The following FXN variants were observed in gnomAD, a reference collection of about 807,000 sequenced individuals.
FXN encodes frataxin, mitochondrial.
In FXN, 14 loss-of-function variants were observed where a neutral mutation model predicts 22.4. That is an observed-to-expected ratio of 0.62 (90% CI 0.41 to 0.98). The LOEUF (loss-of-function observed/expected upper bound fraction) is 0.98. FXN is among the 50% of genes least tolerant of loss of function. The pLI is 0.00. For missense variants in FXN, 267 were observed against 268.4 expected, an observed-to-expected ratio of 0.99 and a Z score of 0.04; for synonymous variants, 120 against 114.1, an observed-to-expected ratio of 1.05 and a Z score of -0.33.
chr9:69,073,377 C>T lies in FXN; in HGVS notation c.*615C>T, dbSNP rs915051894. 9.1e-6 allele frequency: 9 copies of T among 987,066 alleles called. No homozygotes were observed. The African/African-American group carries it at 1.6e-4, about 17-fold the overall frequency. The allele number at this position is 987,066 out of a possible 1,614,324, so 61.1% of individuals were successfully genotyped here. On this transcript the variant is annotated 3_prime_UTR_variant, in exon 5 of 5. Transcript: ENST00000484259. ...TGTCCAGGGAGACCTAGTGCTGTTT[C>T]TCCCACATATTCACATACGTGTCTG...
At chr9:69,058,556 C>T (rs1038429535) in intron 3 of FXN, among the ~76,000 whole-genome samples, 6 of 151,588 alleles carry the variant, frequency 4.0e-5, no homozygotes, top group Non-Finnish European at 1.5e-5. Flanking sequence ...AATCTGATGA[C>T]TGCTCTGGTC....
Position 69,076,205 on chromosome 9 carries a change from C to T in FXN, c.*3443C>T, listed in dbSNP as rs1463048174. 1 of 958,670 alleles carries T rather than the reference C, an allele frequency of 1.0e-6. No individual in the cohort carries two copies. The highest frequency in any genetic ancestry group is 2.0e-5 in the African/African-American group (1 of 51,204). 59.4% of individuals were successfully genotyped at this position (958,670 alleles called of 1,614,324 possible). A position where few individuals can be genotyped will look rare whatever the true frequency, so the allele number is the denominator to read the frequency against. On this transcript the variant is annotated 3_prime_UTR_variant, in exon 5 of 5. Transcript: ENST00000484259. ...CCTCTTACTTGTTTGTAGACACTGACAGTGGCCTCATGTTTTTTTTTTTTT... is the reference window on the plus strand; with the variant it reads ...CCTCTTACTTGTTTGTAGACACTGATAGTGGCCTCATGTTTTTTTTTTTTT...
chr9:69,045,745 G>T (rs746142245), intron 1 of FXN, among the ~76,000 whole-genome samples: 38 of 152,108 alleles, frequency 2.5e-4, no homozygotes, highest in Non-Finnish European at 5.1e-4. Flanking sequence ...CTTGGGTGAG[G>T]GGTACAAAGC....
chr9:69,078,453 C>CA lies in FXN; in HGVS notation c.*5691_*5692insA, dbSNP rs1832409878. 1 of 985,312 alleles carries CA rather than the reference C, an allele frequency of 1.0e-6. No individual in the cohort carries two copies. The highest frequency in any genetic ancestry group is 6.2e-5 in the Admixed American group (1 of 16,258). 61.0% of individuals were successfully genotyped at this position (985,312 alleles called of 1,614,324 possible). On this transcript the variant is annotated 3_prime_UTR_variant, in exon 5 of 5. Coordinates refer to ENST00000484259, the MANE Select transcript of FXN (RefSeq NM_000144.5). Reference sequence around the variant, plus strand: ...CTTATATCCACCTTCCTCCTTTTCTCTCAGCCCATCATCTAGCTACACAGT... The same window carrying CA: ...CTTATATCCACCTTCCTCCTTTTCTCATCAGCCCATCATCTAGCTACACAGT...
intron 4 of FXN, among the ~76,000 whole-genome samples, chr9:69,070,233 A>C: frequency 6.6e-6 from 1 of 152,002 alleles, no homozygotes; most frequent in African/African-American, 2.4e-5. Context: ...CATCTCAAAA[A>C]AAAAAAAAAG....
At chr9:69,052,691 C>T (rs565499074) in intron 2 of FXN, among the ~76,000 whole-genome samples, 6 of 151,898 alleles carry the variant, frequency 4.0e-5, no homozygotes, top group South Asian at 4.2e-4. Context: ...TACAGGCACC[C>T]GTCACCACGC....
In FXN at chr9:69,077,300, T is replaced by C. The variant is rs986268971; in HGVS notation, c.*4538T>C. 5 of 985,260 alleles carry C rather than the reference T, an allele frequency of 5.1e-6. No homozygotes were observed. In the South Asian group the frequency reaches 2.3e-4, roughly 46 times the overall value. 61.0% of individuals were successfully genotyped at this position (985,260 alleles called of 1,614,324 possible). ...TACCTGATCAGTGGCCCCTTTGGAA[T>C]GTGTAAAACTCAGCTCACTTATATC... On this transcript the variant is annotated 3_prime_UTR_variant, in exon 5 of 5. Transcript: ENST00000484259.
At chr9:69,053,729 C>G (rs1022742469) in intron 3 of FXN, among the ~76,000 whole-genome samples, 4 of 152,064 alleles carry the variant, frequency 2.6e-5, no homozygotes, top group Admixed American at 1.3e-4. Context: ...ATGGAGGGAA[C>G]AACAAACTAG....
Position 69,076,440 on chromosome 9 carries a change from C to T in FXN, c.*3678C>T, listed in dbSNP as rs888966345. ...TCAAAATACTCAGTTTACTTAACTT[C>T]GTATTAGATTCTGATTCCCTGGAAC... On this transcript the variant is annotated 3_prime_UTR_variant, in exon 5 of 5. Coordinates refer to ENST00000484259, the MANE Select transcript of FXN (RefSeq NM_000144.5). 6 of 985,206 alleles carry T rather than the reference C, an allele frequency of 6.1e-6. No individual in the cohort carries two copies. Among genetic ancestry groups the T allele is most frequent in the South Asian group, 9.4e-5 (2 of 21,288 alleles). 61.0% of individuals were successfully genotyped at this position (985,206 alleles called of 1,614,324 possible). A position where few individuals can be genotyped will look rare whatever the true frequency, so the allele number is the denominator to read the frequency against.
Position 69,075,334 on chromosome 9 carries a change from C to A in FXN, c.*2572C>A. 1.7e-6 allele frequency: 1 copy of A among 572,564 alleles called. No homozygotes were observed. The highest frequency in any genetic ancestry group is 2.2e-6 in the Non-Finnish European group (1 of 453,556). The allele number at this position is 572,564 out of a possible 1,614,324, so 35.5% of individuals were successfully genotyped here. A position where few individuals can be genotyped will look rare whatever the true frequency, so the allele number is the denominator to read the frequency against. ...AATTGGCTGGGCGTGGTGGTTCGTGCCTATAATTTCAGCTACTCAGGAGGC... is the reference window on the plus strand; with the variant it reads ...AATTGGCTGGGCGTGGTGGTTCGTGACTATAATTTCAGCTACTCAGGAGGC... On this transcript the variant is annotated 3_prime_UTR_variant, in exon 5 of 5. Coordinates refer to ENST00000484259, the MANE Select transcript of FXN (RefSeq NM_000144.5).
chr9:69,074,564 A>G lies in FXN; in HGVS notation c.*1802A>G, dbSNP rs1052829625. ...GTTTATTAATGAGAAGTTTGTATTA[A>G]TATGTAGCAAAGGCTTTTCCAATGG... On this transcript the variant is annotated 3_prime_UTR_variant, in exon 5 of 5. Transcript: ENST00000484259. The G allele has an allele frequency of 2.8e-5, 28 of 985,136 alleles. No individual in the cohort carries two copies. In the African/African-American group the frequency reaches 4.5e-4, roughly 16 times the overall value. 61.0% of individuals were successfully genotyped at this position (985,136 alleles called of 1,614,324 possible).
At chr9:69,054,732 C>A (rs1165897906) in intron 3 of FXN, among the ~76,000 whole-genome samples, 1 of 152,184 alleles carries the variant, frequency 6.6e-6, no homozygotes, top group Non-Finnish European at 1.5e-5. Flanking sequence ...GTTTTGAACT[C>A]CTGAACTCAA....
At chr9:69,053,569 C>T (rs921388313) in intron 3 of FXN, among the ~76,000 whole-genome samples, 2 of 152,006 alleles carry the variant, frequency 1.3e-5, no homozygotes, top group African/African-American at 2.4e-5. Flanking sequence ...TAAGACAAGA[C>T]TAGGCTTCAA....
At chr9:69,057,989 T>C (rs1422602386) in intron 3 of FXN, among the ~76,000 whole-genome samples, 1 of 152,234 alleles carries the variant, frequency 6.6e-6, no homozygotes, top group Non-Finnish European at 1.5e-5. Flanking sequence ...TTAATAAATA[T>C]TGATTCATAT....
chr9:69,038,218 G>T (rs1358377222), intron 1 of FXN, among the ~76,000 whole-genome samples: 1 of 152,124 alleles, frequency 6.6e-6, no homozygotes, highest in Admixed American at 6.5e-5. Flanking sequence ...GAGTTGGGTG[G>T]GTGGCAGTGG....
chr9:69,058,269 A>G (rs1434818603), intron 3 of FXN, among the ~76,000 whole-genome samples: 1 of 151,830 alleles, frequency 6.6e-6, no homozygotes, highest in East Asian at 1.9e-4. Flanking sequence ...TACAGAAGAC[A>G]CTCTACCAGA....
chr9:69,074,930 C>G lies in FXN; in HGVS notation c.*2168C>G. On this transcript the variant is annotated 3_prime_UTR_variant, in exon 5 of 5. Transcript: ENST00000484259. The stretch of plus-strand genomic sequence containing the variant: ...TGCATCTTGCTTCTACTGAAAGTTT[C>G]AGTGCACCCCACTTACTTAGAACTC... 1 of 985,390 alleles carries G rather than the reference C, an allele frequency of 1.0e-6. No individual in the cohort carries two copies. The highest frequency in any genetic ancestry group is 1.2e-6 in the Non-Finnish European group (1 of 829,912). 61.0% of individuals were successfully genotyped at this position (985,390 alleles called of 1,614,324 possible).
chr9:69,076,875 G>T lies in FXN; in HGVS notation c.*4113G>T. 11 of 985,452 alleles carry T rather than the reference G, an allele frequency of 1.1e-5. No individual in the cohort carries two copies. The highest frequency in any genetic ancestry group is 1.3e-5 in the Non-Finnish European group (11 of 829,950). 61.0% of individuals were successfully genotyped at this position (985,452 alleles called of 1,614,324 possible). A position where few individuals can be genotyped will look rare whatever the true frequency, so the allele number is the denominator to read the frequency against. On this transcript the variant is annotated 3_prime_UTR_variant, in exon 5 of 5. Transcript: ENST00000484259. Reference sequence around the variant, plus strand: ...TTGAAATTTCATGTAAATTTATGCTGTTCAAAACGACGAGTTCATGACTTT... The same window carrying T: ...TTGAAATTTCATGTAAATTTATGCTTTTCAAAACGACGAGTTCATGACTTT...
At chr9:69,071,139 G>A (rs1832267141) in intron 4 of FXN, 1 of 517,312 alleles carries the variant, frequency 1.9e-6, no homozygotes, top group Non-Finnish European at 3.9e-6. Flanking sequence ...GCAGTGTGGA[G>A]GGGTCTAGAG....
Sources: allele counts gnomAD v4.1 joint callset (sites outside exome capture counted in the v4.1 genomes callset), GRCh38; gene constraint gnomAD v4.1.1; transcripts MANE v1.5; gene names NCBI Gene and HGNC (gene_info 2026-07-23, HGNC 2026-07-21).